HACE1: variants seen among roughly 807,000 people sequenced by gnomAD.
HACE1 encodes E3 ubiquitin-protein ligase HACE1.
In HACE1, 73 loss-of-function variants were observed where a neutral mutation model predicts 118.4. The ratio of observed to expected loss-of-function variants is 0.62; its 90% confidence interval spans 0.51 to 0.75. The LOEUF is 0.75. HACE1 is among the 30% of genes least tolerant of loss of function. HACE1 has a pLI of 0.00. For missense variants in HACE1, 749 were observed against 1,102.2 expected (o/e 0.68, Z 4.54); for synonymous variants, 368 against 374.8 (o/e 0.98, Z 0.21).
At position 104,740,118 on chromosome 6, in the gene HACE1, A is replaced by G. The variant is rs569660947; in HGVS notation, c.2513+4042T>C. Among the ~76,000 whole-genome samples the G allele has an allele frequency of 5.3e-3, 796 of 150,062 alleles. 5 individuals carry two copies. Among genetic ancestry groups the G allele is most frequent in the African/African-American group, 0.019 (772 of 39,902 alleles). ...GAAATAAAGATGTTCTTTGAAACCA[A>G]TGAGAACAACGACACAACATACCAG... On this transcript the variant is annotated intron_variant, in intron 22 of 23. Coordinates refer to ENST00000262903, the MANE Select transcript of HACE1 (RefSeq NM_020771.4).
intron 19 of HACE1, among the ~76,000 whole-genome samples, chr6:104,766,511 T>C (rs1277334162): frequency 6.6e-6 from 1 of 152,212 alleles, no homozygotes; most frequent in African/African-American, 2.4e-5. Context: ...AATCTATGGA[T>C]AAAAGTCTGT....
chr6:104,837,267 G>A (rs1185329323), intron 5 of HACE1, among the ~76,000 whole-genome samples: 13 of 152,184 alleles, frequency 8.5e-5, no homozygotes, highest in Non-Finnish European at 1.3e-4. Flanking sequence ...AGACAGTGTG[G>A]TATTAGCAGA....
chr6:104,784,166 T>A lies in HACE1; in HGVS notation c.1486A>T (p.Lys496Ter). 1 of 1,579,268 alleles carries A rather than the reference T, an allele frequency of 6.3e-7. No homozygotes were observed. Among genetic ancestry groups the A allele is most frequent in the Non-Finnish European group, 8.7e-7 (1 of 1,148,370 alleles). Residue 496 changes from lysine to a stop codon, truncating the protein, a stop_gained, in exon 14 of 24, where the codon AAA becomes TAA. Coordinates refer to ENST00000262903, the MANE Select transcript of HACE1 (RefSeq NM_020771.4). LOFTEE classifies it high-confidence loss of function. ...AAGTGAAAGTGGTCAAATATAATTT[T>A]GGGATTTCTAAAAGAAAAATATTTT... is the stretch of plus-strand genomic sequence containing the variant. ...VLKCFVNRNP[K>*]IIFDHFHFLL... is the part of the protein sequence containing the mutation.
At chr6:104,819,653 G>A (rs902699363) in intron 6 of HACE1, among the ~76,000 whole-genome samples, 2 of 152,164 alleles carry the variant, frequency 1.3e-5, no homozygotes, top group African/African-American at 4.8e-5. Context: ...CAGGGATATA[G>A]TGAGCAAAAC....
At chr6:104,851,781 T>G (rs1191230230) in intron 2 of HACE1, among the ~76,000 whole-genome samples, 1 of 152,206 alleles carries the variant, frequency 6.6e-6, no homozygotes, top group Admixed American at 6.5e-5. Flanking sequence ...CTTTACATTC[T>G]TCTTCTTATA....
intron 22 of HACE1, chr6:104,730,797 A>G (rs1775119606): frequency 4.6e-6 from 1 of 215,066 alleles, no homozygotes; most frequent in Admixed American, 5.2e-5. Flanking sequence ...AAATGCCTGG[A>G]GTAGACATTC....
chr6:104,774,180 C>T (rs1384375039), intron 17 of HACE1, among the ~76,000 whole-genome samples: 1 of 112,782 alleles, frequency 8.9e-6, no homozygotes, highest in Non-Finnish European at 1.8e-5. Context: ...AGCTCCGCCT[C>T]CCGGGTTCAC....
chr6:104,730,440 T>C lies in HACE1; in HGVS notation c.2514-24A>G, dbSNP rs184658615. On this transcript the variant is annotated intron_variant, in intron 22 of 23. Coordinates refer to ENST00000262903, the MANE Select transcript of HACE1 (RefSeq NM_020771.4). ...AACTAAGAGTTTATATCTTAATACA[T>C]TGTAATCATGAAAGAAAGATATTTG... 159 of 1,022,708 alleles carry C rather than the reference T, an allele frequency of 1.6e-4. No homozygotes were observed. In the East Asian group the frequency reaches 3.1e-3, roughly 20 times the overall value. 63.4% of individuals were successfully genotyped at this position (1,022,708 alleles called of 1,614,324 possible). A position where few individuals can be genotyped will look rare whatever the true frequency, so the allele number is the denominator to read the frequency against.
chr6:104,809,405 C>T (rs1771359456), intron 7 of HACE1, among the ~76,000 whole-genome samples: 1 of 151,946 alleles, frequency 6.6e-6, no homozygotes, highest in Admixed American at 6.6e-5. Context: ...AAGAAATAGC[C>T]CTGTAAAAAG....
chr6:104,748,815 T>C (rs1777726446), intron 20 of HACE1, among the ~76,000 whole-genome samples: 1 of 152,196 alleles, frequency 6.6e-6, no homozygotes, highest in Non-Finnish European at 1.5e-5. Flanking sequence ...ACATTCTATT[T>C]ACATAATTCT....
At chr6:104,807,016 A>G (rs1175130364) in intron 7 of HACE1, among the ~76,000 whole-genome samples, 2 of 148,842 alleles carry the variant, frequency 1.3e-5, no homozygotes, top group Non-Finnish European at 3.0e-5. Context: ...AAGTGTAAGA[A>G]TTCTTTTTTT....
At chr6:104,772,755 T>C (rs1272052996) in intron 17 of HACE1, among the ~76,000 whole-genome samples, 1 of 152,092 alleles carries the variant, frequency 6.6e-6, no homozygotes, top group Non-Finnish European at 1.5e-5. Flanking sequence ...ACTATGAAAA[T>C]CCAGTGCAAT....
At chr6:104,829,900 T>C (rs1236793540) in intron 6 of HACE1, among the ~76,000 whole-genome samples, 1 of 152,196 alleles carries the variant, frequency 6.6e-6, no homozygotes, top group Non-Finnish European at 1.5e-5. Context: ...GTAAACCATA[T>C]GGAGTATATT....
chr6:104,778,543 C>A (rs2114756265), intron 14 of HACE1, among the ~76,000 whole-genome samples: 1 of 151,998 alleles, frequency 6.6e-6, no homozygotes, highest in Non-Finnish European at 1.5e-5. Flanking sequence ...GCCTGTAATC[C>A]CAGCACTTTG....
At position 104,859,001 on chromosome 6, in the gene HACE1, A is replaced by G. The variant is rs1307282788; in HGVS notation, c.76+566T>C. 2.0e-5 allele frequency among the ~76,000 whole-genome samples: 3 copies of G among 152,228 alleles called. No homozygotes were observed. The East Asian group carries it at 5.8e-4, about 29-fold the overall frequency. ...TGATGAATAAATGAAGAATGAAGGC[A>G]GGCATGCATATTAAAGAAAAATATA... On this transcript the variant is annotated intron_variant, in intron 1 of 23. Coordinates refer to ENST00000262903, the MANE Select transcript of HACE1 (RefSeq NM_020771.4).
chr6:104,848,107 C>T (rs1775837983), intron 4 of HACE1, among the ~76,000 whole-genome samples: 2 of 151,534 alleles, frequency 1.3e-5, no homozygotes, highest in Admixed American at 1.3e-4. Flanking sequence ...CCGCCTTGGC[C>T]TCCCAAAAGG....
chr6:104,788,007 AG>A (rs1782625950), intron 11 of HACE1, among the ~76,000 whole-genome samples: 1 of 152,166 alleles, frequency 6.6e-6, no homozygotes, highest in Non-Finnish European at 1.5e-5. Context: ...GAGTTTACCT[AG>A]GAAGTTTTCT....
intron 19 of HACE1, among the ~76,000 whole-genome samples, chr6:104,752,239 T>C (rs1243556521): frequency 1.3e-5 from 2 of 152,166 alleles, no homozygotes; most frequent in African/African-American, 2.4e-5. Flanking sequence ...ACAAGTCACA[T>C]ACAGGTACTT....
intron 7 of HACE1, among the ~76,000 whole-genome samples, chr6:104,800,934 G>A (rs1770264345): frequency 6.6e-6 from 1 of 152,144 alleles, no homozygotes; most frequent in African/African-American, 2.4e-5. Context: ...AAAGGAGGAT[G>A]TTCTAACCCA....
Sources: allele counts gnomAD v4.1 joint callset (sites outside exome capture counted in the v4.1 genomes callset), GRCh38; gene constraint gnomAD v4.1.1; transcripts MANE v1.5; gene names NCBI Gene and HGNC (gene_info 2026-07-23, HGNC 2026-07-21).